PACRG: variants seen among roughly 807,000 people sequenced by gnomAD.
PACRG encodes parkin coregulated gene protein.
In PACRG, 29 loss-of-function variants were observed where a neutral mutation model predicts 29.7. The ratio of observed to expected loss-of-function variants is 0.98; its 90% confidence interval spans 0.73 to 1.33. The LOEUF (loss-of-function observed/expected upper bound fraction) is 1.33, where lower values mean the gene tolerates loss of function less well. PACRG is among the 40% of genes most tolerant of loss of function. The pLI is 0.00. For synonymous variants in PACRG, 116 were observed against 118.7 expected, an observed-to-expected ratio of 0.98 and a Z score of 0.15; for missense variants, 279 against 316.2, an observed-to-expected ratio of 0.88 and a Z score of 0.89.
chr6:163,272,048 T>TTC (rs1554238386), intron 4 of PACRG, among the ~76,000 whole-genome samples: 1 of 151,278 alleles, frequency 6.6e-6, no homozygotes, highest in Non-Finnish European at 1.5e-5. Context: ...TTTTTCTTTT[T>TTC]TTTTTTTCAA....
intron 4 of PACRG, among the ~76,000 whole-genome samples, chr6:163,289,753 G>T (rs116307202): frequency 0.011 from 1,610 of 150,924 alleles, 25 homozygotes; most frequent in African/African-American, 0.038. Flanking sequence ...GTGGGGACAG[G>T]GGGAGCTGGT....
At chr6:163,193,514 A>G (rs148534097) in intron 4 of PACRG, among the ~76,000 whole-genome samples, 384 of 152,276 alleles carry the variant, frequency 2.5e-3, no homozygotes, top group African/African-American at 8.6e-3. Flanking sequence ...GGCCAGAAAT[A>G]CCGAGACTGA....
intron 4 of PACRG, among the ~76,000 whole-genome samples, chr6:163,195,628 C>T (rs368698525): frequency 6.6e-6 from 1 of 152,192 alleles, no homozygotes; most frequent in Non-Finnish European, 1.5e-5. Flanking sequence ...GGTCTAACCT[C>T]CCCCAGGGCT....
chr6:162,940,988 T>G (rs959246906), intron 2 of PACRG, among the ~76,000 whole-genome samples: 5 of 152,088 alleles, frequency 3.3e-5, no homozygotes, highest in African/African-American at 1.2e-4. Context: ...TGTGTTTTTC[T>G]TCCTGGCATG....
intron 3 of PACRG, among the ~76,000 whole-genome samples, chr6:163,069,551 T>A (rs1428744559): frequency 6.6e-6 from 1 of 152,016 alleles, no homozygotes; most frequent in African/African-American, 2.4e-5. Flanking sequence ...GCAGAATTGA[T>A]CATGCCGAAG....
At chr6:163,303,691 T>C (rs1785089262) in intron 4 of PACRG, among the ~76,000 whole-genome samples, 1 of 152,114 alleles carries the variant, frequency 6.6e-6, no homozygotes, top group African/African-American at 2.4e-5. Flanking sequence ...CGATATGTTC[T>C]TCTTCTTGGA....
chr6:163,045,274 G>T (rs1339584306), intron 2 of PACRG, among the ~76,000 whole-genome samples: 1 of 152,124 alleles, frequency 6.6e-6, no homozygotes, highest in African/African-American at 2.4e-5. Flanking sequence ...CTTCTCACCT[G>T]TAGATAGGGC....
At chr6:162,729,794 AT>A (rs1356252574) in intron 1 of PACRG, among the ~76,000 whole-genome samples, 5 of 151,962 alleles carry the variant, frequency 3.3e-5, no homozygotes, top group Admixed American at 2.6e-4. Flanking sequence ...ATTCTTTAAT[AT>A]AATCTTACAC....
At chr6:162,909,322 G>A (rs899550270) in intron 2 of PACRG, among the ~76,000 whole-genome samples, 8 of 151,980 alleles carry the variant, frequency 5.3e-5, no homozygotes, top group Non-Finnish European at 7.4e-5. Flanking sequence ...TTGGGAGGCC[G>A]ACGTGGGCGA....
chr6:163,069,939 C>T (rs1811892053), intron 3 of PACRG, among the ~76,000 whole-genome samples: 1 of 152,138 alleles, frequency 6.6e-6, no homozygotes, highest in Admixed American at 6.5e-5. Flanking sequence ...AAATAACATT[C>T]AATGGAGCCC....
At chr6:163,279,987 G>A (rs1197396988) in intron 4 of PACRG, among the ~76,000 whole-genome samples, 1 of 152,146 alleles carries the variant, frequency 6.6e-6, no homozygotes, top group Non-Finnish European at 1.5e-5. Flanking sequence ...CTGTCCTGAG[G>A]TTCATCCTTT....
chr6:162,740,377 C>T (rs575197182), intron 1 of PACRG, among the ~76,000 whole-genome samples: 1 of 151,244 alleles, frequency 6.6e-6, no homozygotes, highest in Admixed American at 6.6e-5. Context: ...GTGGCGTGAT[C>T]TCAGCTCACT....
chr6:162,737,502 C>T (rs1337564724), intron 1 of PACRG, among the ~76,000 whole-genome samples: 1 of 152,026 alleles, frequency 6.6e-6, no homozygotes, highest in African/African-American at 2.4e-5. Flanking sequence ...TTTTATTCCC[C>T]ATTGCTTTGT....
intron 4 of PACRG, among the ~76,000 whole-genome samples, chr6:163,218,422 T>C (rs1781449592): frequency 6.6e-6 from 1 of 152,184 alleles, no homozygotes; most frequent in Admixed American, 6.5e-5. Context: ...TTATGGGTAT[T>C]GCCTCTTCTC....
chr6:162,987,626 A>G (rs1287194555), intron 2 of PACRG, among the ~76,000 whole-genome samples: 2 of 152,158 alleles, frequency 1.3e-5, no homozygotes, highest in Non-Finnish European at 2.9e-5. Flanking sequence ...CGCCATGATT[A>G]TGAAGCTTCC....
chr6:162,896,686 A>AT (rs1185315822), intron 2 of PACRG, among the ~76,000 whole-genome samples: 1 of 152,160 alleles, frequency 6.6e-6, no homozygotes, highest in East Asian at 1.9e-4. Flanking sequence ...ATGTATCAGA[A>AT]TTTTTTCCTT....
At chr6:163,124,232 ATTGCATAGG>A (rs1345507506) in intron 4 of PACRG, among the ~76,000 whole-genome samples, 3 of 152,304 alleles carry the variant, frequency 2.0e-5, no homozygotes, top group South Asian at 2.1e-4. Flanking sequence ...ATGTTCTCCC[ATTGCATAGG>A]TGGCCTTTCC....
At chr6:163,092,593 T>C (rs2128304856) in intron 4 of PACRG, among the ~76,000 whole-genome samples, 1 of 152,158 alleles carries the variant, frequency 6.6e-6, no homozygotes, top group South Asian at 2.1e-4. Context: ...CAGTAACATT[T>C]TGGAGCCAGA....
rs1783687781 is a variant in PACRG, at chr6:163,269,867, GAGAAAGAAAGAAAGAAAGAAAGAAAAC to G, written c.614-44958_614-44932del. Among the ~76,000 whole-genome samples, 3 of 56,766 alleles carry G rather than the reference GAGAAAGAAAGAAAGAAAGAAAGAAAAC, an allele frequency of 5.3e-5. 1 individual carries two copies. Among genetic ancestry groups the G allele is most frequent in the African/African-American group, 2.5e-4 (3 of 12,142 alleles). The allele number at this position is 56,766 out of a possible 152,430, so 37.2% of individuals were successfully genotyped here. ...AAAGAAAGAAAGAAAGAGAAAGAAAGAGAAAGAAAGAAAGAAAGAAAGAAAACAAAGAAAGAAAGAAAGAAAGAAAGA... is the reference window on the plus strand; with the variant it reads ...AAAGAAAGAAAGAAAGAGAAAGAAAGAAAGAAAGAAAGAAAGAAAGAAAGA... On this transcript the variant is annotated intron_variant, in intron 4 of 4. Transcript: ENST00000366888.
Sources: gnomAD v4.1 joint callset for allele counts (sites outside exome capture counted in the v4.1 genomes callset) on GRCh38, gnomAD v4.1.1 for gene constraint, MANE v1.5 for transcripts, NCBI Gene and HGNC (gene_info 2026-07-23, HGNC 2026-07-21) for gene names.